DOCK9: variants seen among roughly 807,000 people sequenced by gnomAD.
DOCK9 encodes dedicator of cytokinesis 9, also known as dedicator of cytokinesis protein 9.
A neutral mutation model predicts 263.3 loss-of-function variants in DOCK9; 89 were observed. The observed-to-expected ratio is 0.34, with a 90% CI of 0.28 to 0.40. DOCK9 has a LOEUF of 0.40. Ranked by LOEUF, DOCK9 falls within the 10% of genes least tolerant of loss-of-function variation. The pLI is 1.00. For missense variants in DOCK9, 2,140 were observed against 2,603.4 expected, an observed-to-expected ratio of 0.82 and a Z score of 3.87; for synonymous variants, 976 against 973.1, an observed-to-expected ratio of 1.00 and a Z score of -0.06.
chr13:98,827,478 C>T (rs997704726), intron 43 of DOCK9, among the ~76,000 whole-genome samples: 1 of 152,198 alleles, frequency 6.6e-6, no homozygotes, highest in African/African-American at 2.4e-5. Context: ...CTGTTAGAAG[C>T]GAACCCCCTG....
intron 1 of DOCK9, among the ~76,000 whole-genome samples, chr13:99,052,614 G>A (rs1252740878): frequency 6.6e-6 from 1 of 152,066 alleles, no homozygotes; most frequent in East Asian, 1.9e-4. Context: ...TGTGGGGGTA[G>A]ACACAGGGTC....
intron 33 of DOCK9, chr13:98,860,010 C>T: frequency 4.4e-6 from 1 of 227,614 alleles, no homozygotes; most frequent in Non-Finnish European, 7.7e-6. Context: ...CTGCTACGTT[C>T]TTCTGGAATT....
chr13:98,937,841 T>TA, intron 2 of DOCK9, among the ~76,000 whole-genome samples: 1 of 152,214 alleles, frequency 6.6e-6, no homozygotes, highest in Admixed American at 6.5e-5. Flanking sequence ...CCTTTTTACT[T>TA]AAAAAAAGAA....
intron 1 of DOCK9, among the ~76,000 whole-genome samples, chr13:99,036,032 C>T (rs1236830359): frequency 1.3e-5 from 2 of 152,162 alleles, no homozygotes; most frequent in African/African-American, 4.8e-5. Context: ...GCCTTCCAAG[C>T]CTGCCTGCCT....
At chr13:99,031,673 G>T (rs375462460) in intron 1 of DOCK9, among the ~76,000 whole-genome samples, 11 of 152,300 alleles carry the variant, frequency 7.2e-5, no homozygotes, top group African/African-American at 2.6e-4. Context: ...GTTCAGTAAG[G>T]GGTCAGGTGT....
Position 98,829,211 on chromosome 13 carries a change from T to C in DOCK9, c.4965+96A>G, listed in dbSNP as rs749371157. On this transcript the variant is annotated intron_variant, in intron 43 of 52. Transcript: ENST00000682017. This position sits in a 1 kb window ranked among gnomAD's most constrained non-coding sequence, Gnocchi z 4.1. ...TTGCATACTTTTAATTGGTTTTTGATTAATGGAATAACTTTTCTCAAAACT... is the reference window on the plus strand; with the variant it reads ...TTGCATACTTTTAATTGGTTTTTGACTAATGGAATAACTTTTCTCAAAACT... The C allele has an allele frequency of 1.4e-5, 16 of 1,155,602 alleles. No individual in the cohort carries two copies. The highest frequency in any genetic ancestry group is 1.9e-5 in the Non-Finnish European group (16 of 823,516). The allele number at this position is 1,155,602 out of a possible 1,614,324, so 71.6% of individuals were successfully genotyped here. A position where few individuals can be genotyped will look rare whatever the true frequency, so the allele number is the denominator to read the frequency against.
chr13:98,968,414 A>T (rs2059407793), intron 1 of DOCK9, among the ~76,000 whole-genome samples: 2 of 152,152 alleles, frequency 1.3e-5, no homozygotes, highest in African/African-American at 4.8e-5. Flanking sequence ...TGAGGCCAAG[A>T]GTTCGAGACC....
At chr13:98,930,070 C>G in intron 3 of DOCK9, 98 bp downstream of exon 3, 1 of 1,089,062 alleles carries the variant, frequency 9.2e-7, no homozygotes, top group Non-Finnish European at 1.4e-6. Flanking sequence ...TACAATTACC[C>G]TTTTGACACT....
At chr13:98,914,286 A>G in intron 9 of DOCK9, 42 bp downstream of exon 9, 6 of 1,531,058 alleles carry the variant, frequency 3.9e-6, no homozygotes, top group Non-Finnish European at 5.4e-6. Context: ...GACATACTTC[A>G]ACAGCATTCA....
At chr13:98,828,572 C>G (rs1245671299) in intron 43 of DOCK9, among the ~76,000 whole-genome samples, 1 of 152,064 alleles carries the variant, frequency 6.6e-6, no homozygotes, top group African/African-American at 2.4e-5. Flanking sequence ...TTAATTCAAA[C>G]AGTTATAAAA....
At chr13:98,915,165 TATA>T (rs1380682379) in intron 8 of DOCK9, among the ~76,000 whole-genome samples, 161 bp downstream of exon 8, 1 of 152,142 alleles carries the variant, frequency 6.6e-6, no homozygotes, top group Non-Finnish European at 1.5e-5. Flanking sequence ...GGAAGTAAGT[TATA>T]ATGTGACAAA....
intron 1 of DOCK9, among the ~76,000 whole-genome samples, chr13:98,969,403 C>CT (rs1485417147): frequency 4.6e-5 from 7 of 151,592 alleles, no homozygotes; most frequent in African/African-American, 7.3e-5. Context: ...CTTTCGCAAC[C>CT]TTTTTTTGCC....
At chr13:99,087,646 G>T (rs752619609), upstream of DOCK9, among the ~76,000 whole-genome samples, 18 of 152,238 alleles carry the variant, frequency 1.2e-4, no homozygotes, top group Non-Finnish European at 2.1e-4. Flanking sequence ...GAGGAAGCCC[G>T]GCGCAGCCTA....
rs1273899520 is a variant in DOCK9 at position 98,848,611 on chromosome 13, C to T, written c.4042G>A (p.Gly1348Arg). The T allele has an allele frequency of 6.2e-7, 1 of 1,612,352 alleles. No homozygotes were observed. The highest frequency in any genetic ancestry group is 8.5e-7 in the Non-Finnish European group (1 of 1,179,428). Residue 1348 changes from glycine (G) to arginine (R), a missense_variant, in exon 37 of 53, where the codon GGG (glycine) becomes AGG (arginine). By Grantham distance (125) the Gly-to-Arg change is moderately radical. Coordinates refer to ENST00000682017, the MANE Select transcript of DOCK9 (RefSeq NM_001366683.2). ...CAGTACCTGGCTATGTATCGCTTCCCCATGTACTGGAACTGGTGCAGGCAG... is the reference window on the plus strand; with the variant it reads ...CAGTACCTGGCTATGTATCGCTTCCTCATGTACTGGAACTGGTGCAGGCAG... ...EVCLHQFQYM[G>R]KRYIARNQEG...
intron 1 of DOCK9, among the ~76,000 whole-genome samples, chr13:99,062,148 A>T (rs916143282): frequency 3.9e-5 from 6 of 152,192 alleles, no homozygotes; most frequent in Non-Finnish European, 8.8e-5. Flanking sequence ...CTGGAATTGC[A>T]GGCATGAGCC....
At chr13:99,034,259 A>G (rs1887632344) in intron 1 of DOCK9, among the ~76,000 whole-genome samples, 1 of 152,178 alleles carries the variant, frequency 6.6e-6, no homozygotes, top group African/African-American at 2.4e-5. Context: ...ACATAAGTAC[A>G]GAGTCGGCAA....
At position 98,880,202 on chromosome 13, in the gene DOCK9, C is replaced by A. The variant is rs74453778; in HGVS notation, c.2872-233G>T. On this transcript the variant is annotated intron_variant, in intron 26 of 52. Transcript: ENST00000682017. ...CGGGAAACTGGACACCTGTGCTCAG[C>A]GTGGCACAACCAGCACGAGGCTCTG... 2.0e-3 allele frequency among the ~76,000 whole-genome samples: 301 copies of A among 152,128 alleles called. 1 individual carries two copies. Among genetic ancestry groups the A allele is most frequent in the African/African-American group, 7.0e-3 (291 of 41,496 alleles).
intron 39 of DOCK9, 83 bp downstream of exon 39, chr13:98,837,411 G>A (rs1397304773): frequency 1.1e-6 from 1 of 891,350 alleles, no homozygotes; most frequent in Non-Finnish European, 1.8e-6. Context: ...ATGCAACATA[G>A]TAAGTTTGTG....
intron 1 of DOCK9, among the ~76,000 whole-genome samples, chr13:98,972,652 T>C (rs576938608): frequency 8.4e-4 from 128 of 152,188 alleles, no homozygotes; most frequent in African/African-American, 3.0e-3. Context: ...CATGAACAGT[T>C]AGGGGTTCGG....
Sources: allele counts gnomAD v4.1 joint callset (sites outside exome capture counted in the v4.1 genomes callset), GRCh38; gene constraint gnomAD v4.1.1; non-coding constraint Gnocchi (gnomAD v3.1); transcripts MANE v1.5; gene names NCBI Gene and HGNC (gene_info 2026-07-23, HGNC 2026-07-21).